ZNF735: variants seen among roughly 807,000 people sequenced by gnomAD.
The protein encoded by ZNF735 is putative zinc finger protein 735.
ZNF735 carries 11 observed loss-of-function variants against 13.4 expected under a neutral mutation model. The ratio of observed to expected loss-of-function variants is 0.82; its 90% CI spans 0.52 to 1.36. ZNF735 has a LOEUF of 1.36. Ranked by LOEUF, ZNF735 falls within the 40% of genes most tolerant of loss-of-function variation. The pLI is 0.00. For synonymous variants in ZNF735, 171 were observed against 162.6 expected, an observed-to-expected ratio of 1.05 and a Z score of -0.39; for missense variants, 500 against 484.6, an observed-to-expected ratio of 1.03 and a Z score of -0.30.
intron 3 of ZNF735, among the ~76,000 whole-genome samples, chr7:64,216,665 G>A (rs1178650432): frequency 6.6e-6 from 1 of 151,530 alleles, no homozygotes; most frequent in Non-Finnish European, 1.5e-5. Flanking sequence ...TAGTGCAGTA[G>A]CACAATCTTG....
intron 3 of ZNF735, among the ~76,000 whole-genome samples, chr7:64,218,775 T>C (rs1437354187): frequency 6.6e-6 from 1 of 152,224 alleles, no homozygotes; most frequent in Admixed American, 6.5e-5. Flanking sequence ...TTTCTTGGCA[T>C]AGCCTGAAAG....
Position 64,207,345 on chromosome 7 carries a change from T to C in ZNF735, c.39+104T>C, listed in dbSNP as rs945474883. 6.8e-6 allele frequency: 11 copies of C among 1,606,820 alleles called. No homozygotes were observed. In the African/African-American group the frequency reaches 1.3e-4, roughly 20 times the overall value. ...TACTTCCTCGCAGTCAGCTCCGGAG[T>C]CTGAGGACCCAAATCCTCCTTGGCC... is the stretch of plus-strand genomic sequence containing the variant. On this transcript the variant is annotated intron_variant, in intron 1 of 3. Coordinates refer to ENST00000429565, the Ensembl canonical transcript of ZNF735.
intron 1 of ZNF735, among the ~76,000 whole-genome samples, chr7:64,212,844 A>G (rs1474220526): frequency 2.6e-5 from 4 of 151,982 alleles, no homozygotes; most frequent in Non-Finnish European, 4.4e-5. Context: ...TGATGCCCTT[A>G]ATTTTATAAT....
intron 1 of ZNF735, 61 bp from the exon 2 acceptor site, chr7:64,213,031 A>G: frequency 6.6e-7 from 1 of 1,518,054 alleles, no homozygotes; most frequent in Non-Finnish European, 8.9e-7. Context: ...TCAAATAAAA[A>G]TCTCTGCTTA....
At chr7:64,214,598 T>A (rs1435391329) in intron 3 of ZNF735, among the ~76,000 whole-genome samples, 3 of 152,000 alleles carry the variant, frequency 2.0e-5, no homozygotes, top group Admixed American at 2.0e-4. Context: ...TAGTTTAAAG[T>A]TTTTTACAAT....
intron 3 of ZNF735, 123 bp from the exon 4 acceptor site, chr7:64,219,191 G>A (rs1199020265): frequency 1.7e-6 from 2 of 1,211,630 alleles, no homozygotes; most frequent in African/African-American, 3.1e-5. Flanking sequence ...AGGAATTATG[G>A]CCTGTGGTAT....
intron 1 of ZNF735, among the ~76,000 whole-genome samples, chr7:64,207,706 G>A (rs149920949): frequency 2.0e-5 from 3 of 152,152 alleles, no homozygotes; most frequent in Admixed American, 6.6e-5. Context: ...ATCATAGAGC[G>A]GGCCAGGCGC....
chr7:64,207,389 C>T (rs1243500467), intron 1 of ZNF735, 148 bp downstream of exon 1: 2 of 1,482,150 alleles, frequency 1.3e-6, no homozygotes, highest in Non-Finnish European at 1.9e-6. Flanking sequence ...CTGTTAGCCC[C>T]CTCCAGCCCT....
intron 3 of ZNF735, among the ~76,000 whole-genome samples, chr7:64,218,507 T>G (rs1042854194): frequency 6.6e-6 from 1 of 152,270 alleles, no homozygotes; most frequent in African/African-American, 2.4e-5. Context: ...ATTGTTTATT[T>G]TTATTATTCC....
intron 1 of ZNF735, among the ~76,000 whole-genome samples, chr7:64,208,190 A>G (rs1465605018): frequency 7.0e-6 from 1 of 142,944 alleles, no homozygotes. Flanking sequence ...TCATTGGCAG[A>G]TTGTGGTTGC....
intron 3 of ZNF735, among the ~76,000 whole-genome samples, chr7:64,214,461 G>A (rs1484511533): frequency 6.6e-6 from 1 of 151,984 alleles, no homozygotes; most frequent in African/African-American, 2.4e-5. Flanking sequence ...GAAACTCTAT[G>A]TTAAACCATT....
At chr7:64,216,181 A>C (rs899045867) in intron 3 of ZNF735, among the ~76,000 whole-genome samples, 1 of 151,808 alleles carries the variant, frequency 6.6e-6, no homozygotes, top group Admixed American at 6.6e-5. Context: ...CTATAGTCCC[A>C]GCTACTTGGG....
At chr7:64,217,823 G>T (rs553648715) in intron 3 of ZNF735, among the ~76,000 whole-genome samples, 2 of 151,916 alleles carry the variant, frequency 1.3e-5, no homozygotes, top group East Asian at 3.9e-4. Flanking sequence ...AAAAAAAAAT[G>T]ACTTCAGTTG....
intron 1 of ZNF735, among the ~76,000 whole-genome samples, chr7:64,211,157 G>A (rs1192337839): frequency 6.6e-6 from 1 of 152,118 alleles, no homozygotes; most frequent in East Asian, 1.9e-4. Flanking sequence ...ATATGCTGTA[G>A]CGTTCTATAC....
chr7:64,213,230 C>T lies in ZNF735; in HGVS notation c.166+12C>T, dbSNP rs10252019. The T allele has an allele frequency of 0.68, 1,073,306 of 1,581,882 alleles. 367,033 individuals carry two copies. The highest frequency in any genetic ancestry group is 0.9 in the East Asian group (39,961 of 44,640). ...CCTGTTCTCCCTGGGTGAGGTTAAC[C>T]TCAATACATAATTCCTAATATATTG... On this transcript the variant is annotated intron_variant, in intron 2 of 3. Coordinates refer to ENST00000429565, the Ensembl canonical transcript of ZNF735.
chr7:64,213,537 A>G (rs1257313887), intron 2 of ZNF735, among the ~76,000 whole-genome samples: 1 of 152,244 alleles, frequency 6.6e-6, no homozygotes, highest in Non-Finnish European at 1.5e-5. Flanking sequence ...AGTGAAAATA[A>G]GGACTTACAA....
chr7:64,209,156 TAAAC>T (rs1385453418), intron 1 of ZNF735, among the ~76,000 whole-genome samples: 2 of 151,908 alleles, frequency 1.3e-5, no homozygotes, highest in Non-Finnish European at 2.9e-5. Context: ...TCTCAATGGT[TAAAC>T]AAATTTATAC....
chr7:64,210,236 A>T (rs1318203909), intron 1 of ZNF735, among the ~76,000 whole-genome samples: 1 of 152,186 alleles, frequency 6.6e-6, no homozygotes, highest in East Asian at 1.9e-4. Flanking sequence ...GTGCAGATTT[A>T]CTCAGATATT....
Position 64,219,537 on chromosome 7 carries a change from T to A in ZNF735, c.486T>A (p.Cys162Ter), listed in dbSNP as rs772956077. The A allele has an allele frequency of 2.5e-6, 4 of 1,597,162 alleles. No individual in the cohort carries two copies. In the South Asian group the frequency reaches 4.5e-5, roughly 18 times the overall value. The change falls in exon 4 of 4, where the codon TGT (cysteine) becomes TGA (stop). Residue 162 changes from cysteine (C) to a stop codon, truncating the protein, a stop_gained. Transcript: ENST00000429565. LOFTEE classifies it low-confidence loss of function (END_TRUNC). ...ACAAAATATTTCAGACTCATAAATGTGTCAAAGTCTTCAGTAAATTTTCAA... is the reference window on the plus strand; with the variant it reads ...ACAAAATATTTCAGACTCATAAATGAGTCAAAGTCTTCAGTAAATTTTCAA...
Sources: allele counts gnomAD v4.1 joint callset (sites outside exome capture counted in the v4.1 genomes callset), GRCh38; gene constraint gnomAD v4.1.1; transcripts MANE v1.5; gene names NCBI Gene and HGNC (gene_info 2026-07-23, HGNC 2026-07-21).